The following SH3RF2 variants were observed in gnomAD, a reference collection of about 807,000 sequenced individuals.
The protein encoded by SH3RF2 is E3 ubiquitin-protein ligase SH3RF2.
SH3RF2 carries 43 observed loss-of-function variants against 59.0 expected under a neutral mutation model. The observed-to-expected ratio is 0.73, with a 90% CI of 0.57 to 0.94. SH3RF2 has a LOEUF of 0.94. SH3RF2 is among the 40% of genes least tolerant of loss of function. The pLI, the probability that SH3RF2 is intolerant of heterozygous loss-of-function variation, is 0.00. For synonymous variants in SH3RF2, 391 were observed against 391.5 expected (o/e 1.00, Z 0.01); for missense variants, 930 against 940.1 (o/e 0.99, Z 0.14).
intron 2 of SH3RF2, among the ~76,000 whole-genome samples, chr5:145,999,000 A>G (rs1033973548): frequency 7.0e-6 from 1 of 143,754 alleles, no homozygotes; most frequent in Non-Finnish European, 1.5e-5. Flanking sequence ...CAATATATCT[A>G]ACTTAATTTA....
chr5:146,060,269 A>G (rs768537343), intron 9 of SH3RF2, 45 bp downstream of exon 9: 10 of 1,505,604 alleles, frequency 6.6e-6, no homozygotes, highest in Non-Finnish European at 9.0e-6. Context: ...TCGATCCCGT[A>G]CTATGCATAG....
intron 2 of SH3RF2, among the ~76,000 whole-genome samples, chr5:145,950,240 C>A (rs1694736838): frequency 6.6e-6 from 1 of 152,178 alleles, no homozygotes; most frequent in Admixed American, 6.5e-5. Flanking sequence ...AGTGCAGAGT[C>A]AGAACTTGAA....
intron 5 of SH3RF2, among the ~76,000 whole-genome samples, chr5:146,024,740 T>C (rs1172599066): frequency 6.6e-6 from 1 of 152,242 alleles, no homozygotes; most frequent in African/African-American, 2.4e-5. Context: ...TGTTGTGAGA[T>C]AGGGATCCAG....
chr5:146,025,076 T>C (rs559671585), intron 5 of SH3RF2, among the ~76,000 whole-genome samples: 14 of 152,358 alleles, frequency 9.2e-5, no homozygotes, highest in African/African-American at 3.1e-4. Context: ...TTCCATAATA[T>C]TGAGCTATTT....
chr5:146,026,664 T>C (rs1761541997), intron 5 of SH3RF2, among the ~76,000 whole-genome samples: 1 of 152,186 alleles, frequency 6.6e-6, no homozygotes, highest in African/African-American at 2.4e-5. Flanking sequence ...GGTAGAGCTA[T>C]TCTCTGAGGC....
rs1757662791 is a variant in SH3RF2, at chr5:145,938,016, C to A, written c.88C>A (p.His30Asn). 6.2e-7 allele frequency: 1 copy of A among 1,614,254 alleles called. No homozygotes were observed. ...CACAGCCAAAGTCCTCCCTTGCCAGCACACCTTCTGCAAACCATGTCTACA... is the reference window on the plus strand; with the variant it reads ...CACAGCCAAAGTCCTCCCTTGCCAGAACACCTTCTGCAAACCATGTCTACA... The part of the protein sequence containing the change: ...DVTAKVLPCQ[H>N]TFCKPCLQRV... Residue 30 changes from histidine to asparagine, a missense_variant, in exon 2 of 10, where the codon CAC becomes AAC. Coordinates refer to ENST00000359120, the MANE Select transcript of SH3RF2 (RefSeq NM_152550.4).
intron 5 of SH3RF2, among the ~76,000 whole-genome samples, chr5:146,036,296 C>T (rs112046938): frequency 0.014 from 2,077 of 152,250 alleles, 56 homozygotes; most frequent in African/African-American, 0.048. Context: ...GGCTCACACC[C>T]GTGGTATCAG....
chr5:146,076,204 G>A (rs1186281478), intron 9 of SH3RF2, among the ~76,000 whole-genome samples: 1 of 152,044 alleles, frequency 6.6e-6, no homozygotes, highest in Non-Finnish European at 1.5e-5. Flanking sequence ...AATAAATGTC[G>A]TTAAAAAGAG....
intron 2 of SH3RF2, among the ~76,000 whole-genome samples, chr5:145,995,004 T>C (rs898891207): frequency 1.0e-5 from 1 of 99,818 alleles, no homozygotes; most frequent in African/African-American, 3.2e-5. Flanking sequence ...TTTTCATAAA[T>C]AATAAAAAAA....
intron 5 of SH3RF2, among the ~76,000 whole-genome samples, chr5:146,040,251 G>A (rs1018828722): frequency 1.3e-5 from 2 of 152,058 alleles, no homozygotes; most frequent in Non-Finnish European, 2.9e-5. Flanking sequence ...CTGTTTTACG[G>A]GTGGTATGTA....
At chr5:145,999,293 G>A (rs1760297618) in intron 2 of SH3RF2, among the ~76,000 whole-genome samples, 1 of 152,138 alleles carries the variant, frequency 6.6e-6, no homozygotes, top group South Asian at 2.1e-4. Flanking sequence ...GTTGTGTCTG[G>A]TTTGATCTTC....
intron 2 of SH3RF2, among the ~76,000 whole-genome samples, chr5:145,959,615 A>ATGTGTGTG (rs35295719): frequency 1.4e-4 from 21 of 145,520 alleles, no homozygotes; most frequent in South Asian, 2.2e-4. Context: ...CTATATATAT[A>ATGTGTGTG]TGTGTGTGTG....
intron 2 of SH3RF2, among the ~76,000 whole-genome samples, chr5:145,965,150 G>A (rs925580939): frequency 5.3e-5 from 8 of 151,742 alleles, no homozygotes; most frequent in Non-Finnish European, 7.4e-5. Flanking sequence ...CTGAGATCGC[G>A]CCACTGCACT....
intron 9 of SH3RF2, among the ~76,000 whole-genome samples, chr5:146,076,236 C>T (rs565827658): frequency 6.6e-6 from 1 of 152,172 alleles, no homozygotes; most frequent in Non-Finnish European, 1.5e-5. Flanking sequence ...CTGCTACTCG[C>T]TTGGGATGCA....
intron 5 of SH3RF2, among the ~76,000 whole-genome samples, chr5:146,026,597 A>G (rs1284466542): frequency 6.6e-6 from 1 of 152,170 alleles, no homozygotes; most frequent in Non-Finnish European, 1.5e-5. Context: ...ACATTTACAC[A>G]ACAGACCTGT....
At chr5:145,984,589 C>T (rs961577088) in intron 2 of SH3RF2, among the ~76,000 whole-genome samples, 18 of 152,174 alleles carry the variant, frequency 1.2e-4, no homozygotes, top group Admixed American at 2.0e-4. Flanking sequence ...AGTGATCTTT[C>T]CCATTTCTTG....
chr5:145,999,219 C>G (rs1561732540), intron 2 of SH3RF2, among the ~76,000 whole-genome samples: 1 of 152,164 alleles, frequency 6.6e-6, no homozygotes, highest in Non-Finnish European at 1.5e-5. Flanking sequence ...TCATCTCTCT[C>G]AGCCTTCATA....
intron 2 of SH3RF2, among the ~76,000 whole-genome samples, chr5:145,998,524 C>T (rs893944473): frequency 6.6e-6 from 1 of 152,020 alleles, no homozygotes; most frequent in Non-Finnish European, 1.5e-5. Flanking sequence ...TGCAGGTATG[C>T]CCCAGAGATA....
intron 2 of SH3RF2, among the ~76,000 whole-genome samples, chr5:145,954,868 C>CGA (rs144204728): frequency 0.098 from 14,495 of 147,920 alleles, 1,010 homozygotes; most frequent in East Asian, 0.27. Flanking sequence ...GAGCAAGGAG[C>CGA]GAGAGAGAGA....
Sources: allele counts gnomAD v4.1 joint callset (sites outside exome capture counted in the v4.1 genomes callset), GRCh38; gene constraint gnomAD v4.1.1; transcripts MANE v1.5; gene names NCBI Gene and HGNC (gene_info 2026-07-23, HGNC 2026-07-21).